Variants in DNAH9 observed in about 807,000 individuals in gnomAD.
DNAH9 encodes the protein dynein axonemal heavy chain 9.
In DNAH9, 345 loss-of-function variants were observed where a neutral mutation model predicts 471.6. The observed-to-expected ratio is 0.73, with a 90% confidence interval of 0.67 to 0.80. The LOEUF (loss-of-function observed/expected upper bound fraction) is 0.80. Among genes scored for constraint, DNAH9 ranks in the 30% least tolerant of loss-of-function variants. DNAH9 has a pLI of 0.00. For missense variants in DNAH9, 5,407 were observed against 5,609.2 expected (o/e 0.96, Z 1.15); for synonymous variants, 2,093 against 2,123.6 (o/e 0.99, Z 0.40).
chr17:11,762,770 G>GTTTGTTTTTTTTTT lies in DNAH9; in HGVS notation c.6996-667_6996-666insGTTTTTTTTTTTTT, dbSNP rs1193246497. Among the ~76,000 whole-genome samples, 16 of 90,792 alleles carry GTTTGTTTTTTTTTT rather than the reference G, an allele frequency of 1.8e-4. 1 individual carries two copies. Among genetic ancestry groups the GTTTGTTTTTTTTTT allele is most frequent in the Admixed American group, 2.8e-4 (2 of 7,268 alleles). The allele number at this position is 90,792 out of a possible 152,430, so 59.6% of individuals were successfully genotyped here. A position where few individuals can be genotyped will look rare whatever the true frequency, so the allele number is the denominator to read the frequency against. Reference sequence around the variant, plus strand: ...CCTCTTTAGGTGCGTTTTTTTTTTTGTTTTTTTTTTTTTTTTTTTTTTTTT... The same window carrying GTTTGTTTTTTTTTT: ...CCTCTTTAGGTGCGTTTTTTTTTTTGTTTGTTTTTTTTTTTTTTTTTTTTTTTTTTTTTTTTTTT... On this transcript the variant is annotated intron_variant, in intron 35 of 68. Coordinates refer to ENST00000262442, the MANE Select transcript of DNAH9 (RefSeq NM_001372.4).
intron 28 of DNAH9, among the ~76,000 whole-genome samples, chr17:11,729,885 A>C (rs1470073636): frequency 6.6e-6 from 1 of 152,220 alleles, no homozygotes; most frequent in African/African-American, 2.4e-5. Flanking sequence ...GAACAGCAGT[A>C]GGGCTCAGAC....
intron 61 of DNAH9, among the ~76,000 whole-genome samples, chr17:11,922,669 A>T (rs1974174391): frequency 6.7e-6 from 1 of 148,452 alleles, no homozygotes; most frequent in Non-Finnish European, 1.5e-5. Flanking sequence ...AAACAGCTTC[A>T]TGTCTTGCCC....
intron 59 of DNAH9, among the ~76,000 whole-genome samples, chr17:11,897,971 C>T (rs1028930892): frequency 3.3e-5 from 5 of 152,136 alleles, no homozygotes; most frequent in African/African-American, 1.2e-4. Context: ...GGGAAGGATG[C>T]TTCCTTGCCG....
At chr17:11,755,545 A>G (rs1967346109) in intron 33 of DNAH9, among the ~76,000 whole-genome samples, 2 of 152,162 alleles carry the variant, frequency 1.3e-5, no homozygotes. Context: ...ATGAGGTACT[A>G]CTATAAAAGG....
intron 42 of DNAH9, 131 bp downstream of exon 42, chr17:11,793,795 T>C (rs1488408324): frequency 1.3e-6 from 1 of 786,474 alleles, no homozygotes; most frequent in African/African-American, 1.8e-5. Context: ...GGAAATTCTG[T>C]CATAATTTTG....
At chr17:11,897,197 C>T (rs576338591) in intron 59 of DNAH9, among the ~76,000 whole-genome samples, 259 of 152,272 alleles carry the variant, frequency 1.7e-3, no homozygotes, top group Middle Eastern at 3.4e-3. Context: ...ATATTGTGTA[C>T]TTTTATACTA....
rs1567827016 is a variant in DNAH9, at chr17:11,822,944, G to A, written c.9156G>A (p.Gln3052=). 2 of 1,614,146 alleles carry A rather than the reference G, an allele frequency of 1.2e-6. No homozygotes were observed. Among genetic ancestry groups the A allele is most frequent in the East Asian group, 2.2e-5 (1 of 44,880 alleles). ...KSFLEFIRLY[Q]SLLHRHRKEL... is the part of the protein sequence containing the mutation. Reference sequence around the variant, plus strand: ...TTCTGGAGTTCATCAGACTCTACCAGAGCTTGTTGCACAGGCACAGAAAAG... The same window carrying A: ...TTCTGGAGTTCATCAGACTCTACCAAAGCTTGTTGCACAGGCACAGAAAAG... The change falls in exon 48 of 69, where the codon CAG becomes CAA. Residue 3052 remains glutamine (Q), a synonymous_variant. Transcript: ENST00000262442.
intron 6 of DNAH9, among the ~76,000 whole-genome samples, chr17:11,620,511 C>T (rs56251714): frequency 8.4e-6 from 1 of 119,182 alleles, no homozygotes; most frequent in African/African-American, 3.2e-5. Flanking sequence ...GACTCTGTCT[C>T]AAAAAAAAAA....
chr17:11,813,236 A>G (rs542207723), intron 45 of DNAH9, among the ~76,000 whole-genome samples: 2 of 152,046 alleles, frequency 1.3e-5, no homozygotes, highest in African/African-American at 2.4e-5. Context: ...ATATTCTTTA[A>G]GGAAAAAAAA....
At chr17:11,949,815 C>G (rs955274682) in intron 67 of DNAH9, among the ~76,000 whole-genome samples, 1 of 152,142 alleles carries the variant, frequency 6.6e-6, no homozygotes, top group Non-Finnish European at 1.5e-5. Context: ...TAAATGACTC[C>G]TGGTTCTCTT....
chr17:11,692,438 T>G (rs2074350623), intron 20 of DNAH9, among the ~76,000 whole-genome samples: 1 of 152,172 alleles, frequency 6.6e-6, no homozygotes, highest in Admixed American at 6.5e-5. Flanking sequence ...ATACTGTGAG[T>G]GTGTATGTCT....
intron 4 of DNAH9, among the ~76,000 whole-genome samples, chr17:11,614,128 G>A (rs560417191): frequency 2.0e-5 from 3 of 152,266 alleles, no homozygotes; most frequent in East Asian, 3.9e-4. Flanking sequence ...AGAAGAGTTA[G>A]GTAGAGACTT....
intron 1 of DNAH9, among the ~76,000 whole-genome samples, chr17:11,602,594 C>A (rs2072409166): frequency 6.6e-6 from 1 of 152,184 alleles, no homozygotes; most frequent in Non-Finnish European, 1.5e-5. Context: ...GATGGTGCTA[C>A]CCTTGCGTGT....
At chr17:11,839,106 TCTCC>T (rs1201077983) in intron 49 of DNAH9, among the ~76,000 whole-genome samples, 1 of 152,152 alleles carries the variant, frequency 6.6e-6, no homozygotes, top group African/African-American at 2.4e-5. Context: ...AATTTCATGG[TCTCC>T]CTCCCACCCC....
chr17:11,704,396 T>A lies in DNAH9; in HGVS notation c.5345T>A (p.Ile1782Asn), dbSNP rs1479698416. The change falls in exon 25 of 69, where the codon ATC becomes AAC. Residue 1782 changes from isoleucine (I) to asparagine (N), a missense_variant. This residue lies in a region of DNAH9 where 4,636 missense variants were observed against 4,900.3 expected (regional missense o/e 0.95). Transcript: ENST00000262442. ...CAGAAGATTATGACTATATGCACCA[T>A]CGATGTGCATGCCCGGGATGTGGTA... ...DRQKIMTICT[I>N]DVHARDVVAK... is the part of the protein sequence containing the mutation. 1.9e-6 allele frequency: 3 copies of A among 1,613,682 alleles called. No individual in the cohort carries two copies. Among genetic ancestry groups the A allele is most frequent in the Non-Finnish European group, 2.5e-6 (3 of 1,179,912 alleles).
intron 68 of DNAH9, among the ~76,000 whole-genome samples, chr17:11,968,991 A>G (rs1289837118): frequency 6.6e-6 from 1 of 152,236 alleles, no homozygotes; most frequent in African/African-American, 2.4e-5. Flanking sequence ...TACACATTCG[A>G]TATGCTCATG....
intron 61 of DNAH9, among the ~76,000 whole-genome samples, chr17:11,920,156 C>T (rs1297715046): frequency 1.3e-5 from 2 of 151,734 alleles, no homozygotes; most frequent in Admixed American, 6.6e-5. Context: ...CCTGCCTCAG[C>T]CCCCTGAGTA....
At chr17:11,666,785 A>G (rs1284144817) in intron 15 of DNAH9, among the ~76,000 whole-genome samples, 1 of 152,156 alleles carries the variant, frequency 6.6e-6, no homozygotes, top group Non-Finnish European at 1.5e-5. Context: ...CACAGGATGG[A>G]AGGAACCTGT....
intron 45 of DNAH9, among the ~76,000 whole-genome samples, chr17:11,816,915 C>A (rs1247204080): frequency 6.6e-6 from 1 of 152,078 alleles, no homozygotes; most frequent in East Asian, 1.9e-4. Context: ...AAAAATTAGC[C>A]GGGTGTGGTG....
Sources: allele counts gnomAD v4.1 joint callset (sites outside exome capture counted in the v4.1 genomes callset), GRCh38; gene constraint gnomAD v4.1.1; regional missense constraint gnomAD v4.1.1; transcripts MANE v1.5; gene names NCBI Gene and HGNC (gene_info 2026-07-23, HGNC 2026-07-21).